The following LRIG1 variants were observed in gnomAD, a reference collection of about 807,000 sequenced individuals.
The protein encoded by LRIG1 is leucine rich repeats and immunoglobulin like domains 1, also known as leucine-rich repeats and immunoglobulin-like domains protein 1.
A neutral mutation model predicts 99.2 loss-of-function variants in LRIG1; 48 were observed. The ratio of observed to expected loss-of-function variants is 0.48; its 90% CI spans 0.38 to 0.62. The LOEUF (loss-of-function observed/expected upper bound fraction) is 0.62. LRIG1 is among the 20% of genes least tolerant of loss of function. LRIG1 has a pLI of 0.00. For missense variants in LRIG1, 1,646 were observed against 1,434.4 expected (o/e 1.15, Z -2.38); for synonymous variants, 772 against 596.1 (o/e 1.29, Z -4.30).
chr3:66,408,536 G>C (rs952910168), intron 7 of LRIG1, among the ~76,000 whole-genome samples: 2 of 152,180 alleles, frequency 1.3e-5, no homozygotes, highest in Non-Finnish European at 2.9e-5. Context: ...ACCAGCTAGA[G>C]AGGGGATCCC....
chr3:66,411,895 T>C (rs1702479987), intron 6 of LRIG1, among the ~76,000 whole-genome samples: 1 of 147,512 alleles, frequency 6.8e-6, no homozygotes, highest in African/African-American at 2.5e-5. Flanking sequence ...TTAGAAGTGC[T>C]TGCCTCTTGG....
At chr3:66,383,422 T>C (rs781124246) in intron 14 of LRIG1, 21 bp from the exon 15 acceptor site, 1 of 1,520,804 alleles carries the variant, frequency 6.6e-7, no homozygotes, top group Non-Finnish European at 8.8e-7. Flanking sequence ...GCAACAGAGA[T>C]CTTAGTCATT....
intron 16 of LRIG1, among the ~76,000 whole-genome samples, chr3:66,381,880 A>G (rs538216059): frequency 6.6e-6 from 1 of 152,218 alleles, no homozygotes; most frequent in East Asian, 1.9e-4. Flanking sequence ...AGAGGCCCCC[A>G]CCGTTGGAAG....
intron 2 of LRIG1, among the ~76,000 whole-genome samples, chr3:66,452,273 TG>T (rs1026519362): frequency 2.6e-5 from 4 of 152,244 alleles, no homozygotes; most frequent in African/African-American, 9.6e-5. Context: ...AGACGAGAGT[TG>T]CTCTCCAAGC....
chr3:66,414,411 A>G (rs901270382), intron 5 of LRIG1, among the ~76,000 whole-genome samples: 1 of 149,782 alleles, frequency 6.7e-6, no homozygotes, highest in African/African-American at 2.5e-5. Flanking sequence ...AATAATAATA[A>G]ATAAATAAAT....
Position 66,414,900 on chromosome 3 carries a change from GTGTAGGTTTC to G in LRIG1, c.647+10_647+19del, listed in dbSNP as rs1458353332. 6.4e-7 allele frequency: 1 copy of G among 1,562,024 alleles called. No homozygotes were observed. Among genetic ancestry groups the G allele is most frequent in the Non-Finnish European group, 8.6e-7 (1 of 1,157,402 alleles). ...TAAAGTTTGGCTAGCCTTAATTAAA[GTGTAGGTTTC>G]TGTACTCACAGTTGTGTCAGCCTGG... On this transcript the variant is annotated intron_variant, in intron 5 of 18. Coordinates refer to ENST00000273261, the MANE Select transcript of LRIG1 (RefSeq NM_015541.3).
At chr3:66,495,285 G>A (rs759742368) in intron 1 of LRIG1, among the ~76,000 whole-genome samples, 1 of 152,006 alleles carries the variant, frequency 6.6e-6, no homozygotes, top group African/African-American at 2.4e-5. Flanking sequence ...TCCTCCACCC[G>A]TCCTCCCTCC....
intron 2 of LRIG1, among the ~76,000 whole-genome samples, chr3:66,454,094 G>A (rs1703993646): frequency 6.6e-6 from 1 of 152,186 alleles, no homozygotes; most frequent in Non-Finnish European, 1.5e-5. Flanking sequence ...GGGCTCTGGT[G>A]GCAACAGGGC....
intron 1 of LRIG1, among the ~76,000 whole-genome samples, chr3:66,482,346 T>C (rs1700870612): frequency 6.6e-6 from 1 of 152,190 alleles, no homozygotes. Flanking sequence ...AAGACCACAG[T>C]GGAGGACAGC....
intron 3 of LRIG1, among the ~76,000 whole-genome samples, chr3:66,427,429 G>C (rs1277378204): frequency 1.3e-5 from 2 of 152,158 alleles, no homozygotes; most frequent in Non-Finnish European, 2.9e-5. Context: ...TACCTAAGGA[G>C]GTGTACTTTA....
At chr3:66,498,491 T>C (rs913389677) in intron 1 of LRIG1, among the ~76,000 whole-genome samples, 1 of 151,392 alleles carries the variant, frequency 6.6e-6, no homozygotes, top group South Asian at 2.1e-4. Flanking sequence ...CACTGACACA[T>C]GGCATTGGGA....
chr3:66,431,940 A>G (rs1703185625), intron 3 of LRIG1, among the ~76,000 whole-genome samples: 1 of 152,240 alleles, frequency 6.6e-6, no homozygotes, highest in Admixed American at 6.5e-5. Context: ...TAGGGAATAC[A>G]GGATGTTGTT....
At chr3:66,391,798 A>AT (rs1392765960) in intron 12 of LRIG1, among the ~76,000 whole-genome samples, 2 of 152,194 alleles carry the variant, frequency 1.3e-5, no homozygotes, top group Admixed American at 6.5e-5. Context: ...AAGCAGCTTT[A>AT]TTGAGAATAC....
intron 16 of LRIG1, 141 bp downstream of exon 16, chr3:66,382,132 C>A: frequency 1.1e-6 from 1 of 928,636 alleles, no homozygotes. Context: ...AAATAGCAGC[C>A]CTTAGTCATA....
At chr3:66,436,594 C>A (rs1048671706) in intron 3 of LRIG1, among the ~76,000 whole-genome samples, 13 of 152,160 alleles carry the variant, frequency 8.5e-5, no homozygotes, top group African/African-American at 2.9e-4. Context: ...AAAAGACATA[C>A]AACGCAGAGC....
intron 2 of LRIG1, among the ~76,000 whole-genome samples, chr3:66,456,572 T>TAA (rs35291779): frequency 1.1e-3 from 128 of 121,692 alleles, no homozygotes; most frequent in South Asian, 4.2e-3. Context: ...GATCCTGTCT[T>TAA]AAAAAAAAAA....
chr3:66,481,393 A>G (rs889732060), intron 1 of LRIG1, among the ~76,000 whole-genome samples: 1 of 152,202 alleles, frequency 6.6e-6, no homozygotes, highest in Non-Finnish European at 1.5e-5. Context: ...TCAGAACATT[A>G]AAAGCATTGT....
intron 1 of LRIG1, among the ~76,000 whole-genome samples, chr3:66,486,624 T>C (rs1253096602): frequency 2.0e-5 from 3 of 152,264 alleles, no homozygotes; most frequent in Non-Finnish European, 4.4e-5. Context: ...AGCTGATGTT[T>C]ATGACTTTTT....
At chr3:66,434,573 C>G (rs1322483480) in intron 3 of LRIG1, among the ~76,000 whole-genome samples, 1 of 151,982 alleles carries the variant, frequency 6.6e-6, no homozygotes, top group Non-Finnish European at 1.5e-5. Context: ...ATGGCGAAAC[C>G]CTGTCTCTAC....
Sources: gnomAD v4.1 joint callset for allele counts (sites outside exome capture counted in the v4.1 genomes callset) on GRCh38, gnomAD v4.1.1 for gene constraint, MANE v1.5 for transcripts, NCBI Gene and HGNC (gene_info 2026-07-23, HGNC 2026-07-21) for gene names.